The following COLEC10 variants were observed in gnomAD, a reference collection of about 807,000 sequenced individuals.
COLEC10 encodes the protein collectin subfamily member 10, also known as collectin-10.
COLEC10 carries 22 observed loss-of-function variants against 28.4 expected under a neutral mutation model. The observed-to-expected ratio is 0.78, with a 90% confidence interval of 0.55 to 1.11. The LOEUF is 1.11. Among genes scored for constraint, COLEC10 ranks in the 50% least tolerant of loss-of-function variants. COLEC10 has a pLI of 0.00. For missense variants in COLEC10, 361 were observed against 344.1 expected, an observed-to-expected ratio of 1.05 and a Z score of -0.39; for synonymous variants, 125 against 116.1, an observed-to-expected ratio of 1.08 and a Z score of -0.49.
chr8:119,076,143 C>G (rs1815228668), intron 1 of COLEC10, among the ~76,000 whole-genome samples: 1 of 148,766 alleles, frequency 6.7e-6, no homozygotes, highest in African/African-American at 2.5e-5. Flanking sequence ...GATCTCCTGG[C>G]CTCGTGATCC....
chr8:118,968,444 C>T, the COLEC10 span, among the ~76,000 whole-genome samples: 1 of 151,888 alleles, frequency 6.6e-6, no homozygotes, highest in African/African-American at 2.4e-5. Context: ...CATAGAACTC[C>T]TTTACTAAGT....
intron 1 of COLEC10, among the ~76,000 whole-genome samples, chr8:119,008,107 T>G (rs979106732): frequency 1.3e-5 from 2 of 150,998 alleles, no homozygotes; most frequent in East Asian, 3.8e-4. Flanking sequence ...GGAGCTAACT[T>G]GGAAATATAG....
intron 2 of COLEC10, among the ~76,000 whole-genome samples, chr8:119,013,702 A>G (rs1413840041): frequency 1.3e-5 from 2 of 150,760 alleles, no homozygotes; most frequent in African/African-American, 2.5e-5. Flanking sequence ...AAAACTGATC[A>G]GTTCTTCATT....
chr8:119,094,113 T>A (rs1815663897), intron 3 of COLEC10, among the ~76,000 whole-genome samples: 1 of 152,146 alleles, frequency 6.6e-6, no homozygotes, highest in African/African-American at 2.4e-5. Context: ...TGTAGCTCTA[T>A]CCAAAGCCAG....
intron 3 of COLEC10, 79 bp from the exon 4 acceptor site, chr8:119,102,269 C>T (rs1239788696): frequency 8.5e-6 from 5 of 585,792 alleles, no homozygotes; most frequent in African/African-American, 6.1e-5. Flanking sequence ...CCTTCATTCC[C>T]TTCCTTCCTT....
At chr8:119,033,038 C>G (rs1814320286) in intron 2 of COLEC10, among the ~76,000 whole-genome samples, 2 of 152,104 alleles carry the variant, frequency 1.3e-5, no homozygotes, top group South Asian at 4.1e-4. Context: ...TGTAGTTAGG[C>G]TGTGCAAATA....
At chr8:118,953,324 G>A in the COLEC10 span, among the ~76,000 whole-genome samples, 1 of 152,212 alleles carries the variant, frequency 6.6e-6, no homozygotes, top group South Asian at 2.1e-4. Flanking sequence ...TCGTAGTTTT[G>A]ACATCTGCAA....
At chr8:119,056,460 T>C (rs1467302586) in intron 2 of COLEC10, among the ~76,000 whole-genome samples, 1 of 152,040 alleles carries the variant, frequency 6.6e-6, no homozygotes, top group African/African-American at 2.4e-5. Context: ...TTTCCCTTCA[T>C]GCCTAGAATG....
At chr8:119,074,265 T>C (rs370434499) in intron 1 of COLEC10, among the ~76,000 whole-genome samples, 2 of 152,144 alleles carry the variant, frequency 1.3e-5, no homozygotes, top group African/African-American at 4.8e-5. Context: ...AAATTAATTG[T>C]ACATTTGTAA....
chr8:119,061,722 C>T (rs536904438), intron 2 of COLEC10, among the ~76,000 whole-genome samples: 1 of 151,726 alleles, frequency 6.6e-6, no homozygotes, highest in Non-Finnish European at 1.5e-5. Context: ...TACTAGAAGA[C>T]ATACTATATT....
At chr8:119,042,385 T>C (rs1447217508) in intron 2 of COLEC10, among the ~76,000 whole-genome samples, 1 of 145,480 alleles carries the variant, frequency 6.9e-6, no homozygotes, top group African/African-American at 2.6e-5. Context: ...TTTGTTTCTC[T>C]AAGCTTTTAT....
intron 2 of COLEC10, among the ~76,000 whole-genome samples, chr8:119,090,571 A>G (rs1815569532): frequency 6.6e-6 from 1 of 152,218 alleles, no homozygotes; most frequent in South Asian, 2.1e-4. Context: ...CAAAATAAAG[A>G]TTTTTAATTG....
At chr8:119,016,909 G>A (rs891872620) in intron 2 of COLEC10, among the ~76,000 whole-genome samples, 2 of 152,094 alleles carry the variant, frequency 1.3e-5, no homozygotes, top group Non-Finnish European at 2.9e-5. Flanking sequence ...TAGAGATGGA[G>A]TTTCACCATG....
At chr8:119,099,771 G>T (rs1336026963) in intron 3 of COLEC10, among the ~76,000 whole-genome samples, 1 of 152,140 alleles carries the variant, frequency 6.6e-6, no homozygotes, top group Admixed American at 6.6e-5. Context: ...TCTCCACTCT[G>T]ATCCACACCA....
chr8:119,008,355 T>A (rs553599442), intron 1 of COLEC10, among the ~76,000 whole-genome samples: 1 of 151,108 alleles, frequency 6.6e-6, no homozygotes, highest in South Asian at 2.1e-4. Flanking sequence ...GTTTCCATAA[T>A]GATCTGGGGT....
chr8:119,087,932 C>T (rs144503357), intron 1 of COLEC10, among the ~76,000 whole-genome samples: 1,648 of 152,168 alleles, frequency 0.011, 22 homozygotes, highest in Middle Eastern at 0.051. Flanking sequence ...CCTAGAATTG[C>T]TATGATGACT....
chr8:118,988,636 G>A, the COLEC10 span, among the ~76,000 whole-genome samples: 2 of 152,186 alleles, frequency 1.3e-5, no homozygotes, highest in Non-Finnish European at 2.9e-5. Flanking sequence ...CTAATTGGAA[G>A]ATTATAGGAG....
At chr8:119,058,981 A>G (rs1587027056) in intron 2 of COLEC10, among the ~76,000 whole-genome samples, 1 of 152,038 alleles carries the variant, frequency 6.6e-6, no homozygotes, top group South Asian at 2.1e-4. Context: ...GTGATATCTC[A>G]TTGAAATCTA....
At chr8:119,008,688 A>T (rs1376008429) in intron 1 of COLEC10, among the ~76,000 whole-genome samples, 1 of 150,650 alleles carries the variant, frequency 6.6e-6, no homozygotes, top group Non-Finnish European at 1.5e-5. Context: ...ACACTCTGAC[A>T]TACCTAGATA....
Sources: gnomAD v4.1 joint callset for allele counts (sites outside exome capture counted in the v4.1 genomes callset) on GRCh38, gnomAD v4.1.1 for gene constraint, MANE v1.5 for transcripts, NCBI Gene and HGNC (gene_info 2026-07-23, HGNC 2026-07-21) for gene names.